ACTN2: variants seen among roughly 807,000 people sequenced by gnomAD.
ACTN2 encodes alpha-actinin-2.
ACTN2 carries 39 observed loss-of-function variants against 113.8 expected under a neutral mutation model. The observed-to-expected ratio is 0.34, with a 90% CI of 0.27 to 0.45. The LOEUF (loss-of-function observed/expected upper bound fraction) is 0.45, where lower values mean the gene tolerates loss of function less well. Ranked by LOEUF, ACTN2 falls within the 20% of genes least tolerant of loss-of-function variation. The pLI, the probability that ACTN2 is intolerant of heterozygous loss-of-function variation, is 1.00. For synonymous variants in ACTN2, 429 were observed against 444.1 expected (o/e 0.97, Z 0.43); for missense variants, 992 against 1,177.9 (o/e 0.84, Z 2.31).
At chr1:236,760,946 A>G in intron 19 of ACTN2, 69 bp from the exon 20 acceptor site, 9 of 1,596,312 alleles carry the variant, frequency 5.6e-6, no homozygotes, top group East Asian at 2.2e-5. Flanking sequence ...CACCAGGGAA[A>G]GAATGAAAAC....
At chr1:236,739,563 C>T (rs564516692) in intron 10 of ACTN2, 31 bp downstream of exon 10, 3 of 1,609,716 alleles carry the variant, frequency 1.9e-6, no homozygotes, top group Admixed American at 3.4e-5. Flanking sequence ...CCTCCTGGCG[C>T]CACGGGAAGC....
rs570907593 is a variant in ACTN2, at chr1:236,720,950, GGTA to G, written c.448+760_448+762del. On this transcript the variant is annotated intron_variant, in intron 4 of 20. Transcript: ENST00000366578. Reference sequence around the variant, plus strand: ...CCAGTAGGTAACCAGGTACCTGAGTGGTAAGGGGTGGAGACGTTATTTATAATT... The same window carrying G: ...CCAGTAGGTAACCAGGTACCTGAGTGAGGGGTGGAGACGTTATTTATAATT... Among the ~76,000 whole-genome samples, 229 of 150,492 alleles carry G rather than the reference GGTA, an allele frequency of 1.5e-3. 2 individuals are homozygous for G. The highest frequency in any genetic ancestry group is 5.1e-3 in the African/African-American group (208 of 41,038).
chr1:236,731,128 G>T, intron 6 of ACTN2, 105 bp from the exon 7 acceptor site: 1 of 790,930 alleles, frequency 1.3e-6, no homozygotes, highest in Non-Finnish European at 2.2e-6. Context: ...GATTGTGTGT[G>T]GGTGGGAAGG....
At chr1:236,713,074 A>C (rs543737658) in intron 1 of ACTN2, among the ~76,000 whole-genome samples, 88 of 152,084 alleles carry the variant, frequency 5.8e-4, no homozygotes, top group African/African-American at 2.0e-3. Context: ...GTAATAACTT[A>C]ATTATCCGGA....
chr1:236,727,519 A>G (rs1034565301), intron 5 of ACTN2, among the ~76,000 whole-genome samples, 159 bp from the exon 6 acceptor site: 23 of 151,790 alleles, frequency 1.5e-4, no homozygotes, highest in African/African-American at 5.3e-4. Context: ...GAAGAAGATG[A>G]GTGTTCAAGC....
Position 236,747,788 on chromosome 1 carries a change from A to G in ACTN2, c.1515+13A>G, listed in dbSNP as rs772909765. On this transcript the variant is annotated intron_variant, in intron 13 of 20. Coordinates refer to ENST00000366578, the MANE Select transcript of ACTN2 (RefSeq NM_001103.4). Reference sequence around the variant, plus strand: ...AGAAGCCCTAGAGGTGAAGTATTGAAGCCACTTGTTGACATGAAATCTTTT... The same window carrying G: ...AGAAGCCCTAGAGGTGAAGTATTGAGGCCACTTGTTGACATGAAATCTTTT... 2.5e-6 allele frequency: 4 copies of G among 1,582,694 alleles called. No individual in the cohort carries two copies. The South Asian group carries it at 4.4e-5, about 18-fold the overall frequency.
In ACTN2 at chr1:236,721,022, G is replaced by GTTT. The variant is rs869077774; in HGVS notation, c.448+852_448+854dup. ...CCTCTGACTCTGGTTTTTGTTTTTT[G>GTTT]TTTTTTTTTTTTTTTTTTTTTTTGA... On this transcript the variant is annotated intron_variant, in intron 4 of 20. Coordinates refer to ENST00000366578, the MANE Select transcript of ACTN2 (RefSeq NM_001103.4). Among the ~76,000 whole-genome samples, 107 of 66,496 alleles carry GTTT rather than the reference G, an allele frequency of 1.6e-3. 3 individuals carry two copies. The highest frequency in any genetic ancestry group is 3.5e-3 in the African/African-American group (56 of 16,040). 43.6% of individuals were successfully genotyped at this position (66,496 alleles called of 152,430 possible). A position where few individuals can be genotyped will look rare whatever the true frequency, so the allele number is the denominator to read the frequency against.
intron 1 of ACTN2, among the ~76,000 whole-genome samples, chr1:236,690,671 C>T (rs1014833665): frequency 6.6e-6 from 1 of 152,144 alleles, no homozygotes; most frequent in Admixed American, 6.5e-5. Flanking sequence ...ATTTGTTAAT[C>T]AGCACTGCGC....
At position 236,715,440 on chromosome 1, in the gene ACTN2, A is replaced by G. The variant is rs191689536; in HGVS notation, c.127-2418A>G. Among the ~76,000 whole-genome samples the G allele has an allele frequency of 3.8e-3, 582 of 152,122 alleles. 3 individuals carry two copies. The highest frequency in any genetic ancestry group is 0.012 in the African/African-American group (500 of 41,474). ...ATCATAATCTTACCTTCAAAAAACAAAACTTAATTATCTATAGTGTTGTCC... is the reference window on the plus strand; with the variant it reads ...ATCATAATCTTACCTTCAAAAAACAGAACTTAATTATCTATAGTGTTGTCC... On this transcript the variant is annotated intron_variant, in intron 1 of 20. Transcript: ENST00000366578.
At chr1:236,717,249 G>A (rs1375249394) in intron 1 of ACTN2, among the ~76,000 whole-genome samples, 2 of 152,022 alleles carry the variant, frequency 1.3e-5, no homozygotes, top group African/African-American at 4.8e-5. Flanking sequence ...TTTGAGACCA[G>A]CCTGGGCAAC....
In ACTN2 at chr1:236,736,460, A is replaced by G. The variant is rs927650508; in HGVS notation, c.784-662A>G. 8 of 705,206 alleles carry G rather than the reference A, an allele frequency of 1.1e-5. No homozygotes were observed. The African/African-American group carries it at 1.3e-4, about 11-fold the overall frequency. 43.7% of individuals were successfully genotyped at this position (705,206 alleles called of 1,614,324 possible). A position where few individuals can be genotyped will look rare whatever the true frequency, so the allele number is the denominator to read the frequency against. The stretch of plus-strand genomic sequence containing the variant: ...AGGCAAGCTTCTCTTGTTCCATCAG[A>G]CAGTTATGGTTCAAGGCGCTTTGCC... On this transcript the variant is annotated intron_variant, in intron 8 of 20. Transcript: ENST00000366578.
At chr1:236,699,652 G>A (rs1314552609) in intron 1 of ACTN2, among the ~76,000 whole-genome samples, 11 of 152,126 alleles carry the variant, frequency 7.2e-5, no homozygotes, top group African/African-American at 2.7e-4. Context: ...TTATCTACAG[G>A]AATGCCCTCT....
chr1:236,753,825 T>G, intron 15 of ACTN2, 122 bp from the exon 16 acceptor site: 2 of 1,081,608 alleles, frequency 1.8e-6, no homozygotes, highest in East Asian at 2.9e-5. Flanking sequence ...CCCTACACCC[T>G]CCTCCCTTCG....
At chr1:236,707,406 C>G (rs951184564) in intron 1 of ACTN2, among the ~76,000 whole-genome samples, 1 of 152,184 alleles carries the variant, frequency 6.6e-6, no homozygotes, top group Non-Finnish European at 1.5e-5. Flanking sequence ...GGCGGAATAT[C>G]TCCTATGCTC....
rs1057523501 is a variant in ACTN2 at position 236,717,884 on chromosome 1, C to T, written c.153C>T (p.His51=). The T allele has an allele frequency of 5.6e-6, 9 of 1,614,106 alleles. No individual in the cohort carries two copies. The highest frequency in any genetic ancestry group is 7.6e-6 in the Non-Finnish European group (9 of 1,179,990). Residue 51 remains histidine (H), a synonymous_variant, in exon 2 of 21, where the codon CAC becomes CAT. Coordinates refer to ENST00000366578, the MANE Select transcript of ACTN2 (RefSeq NM_001103.4). ...RKTFTAWCNS[H]LRKAGTQIEN... ...CCTTCACTGCCTGGTGTAACTCCCA[C>T]CTAAGGAAAGCCGGCACCCAGATTG...
rs183620808 is a variant in ACTN2, at chr1:236,755,603, T to G, written c.2154+405T>G. Among the ~76,000 whole-genome samples the G allele has an allele frequency of 3.3e-5, 5 of 151,710 alleles. No individual in the cohort carries two copies. The East Asian group carries it at 1.0e-3, about 31-fold the overall frequency. ...ACAAACAAGAGTATATACTGCAGAG[T>G]GCCCGCTGCCACTGTTAGAATCCTG... On this transcript the variant is annotated intron_variant, in intron 17 of 20. Coordinates refer to ENST00000366578, the MANE Select transcript of ACTN2 (RefSeq NM_001103.4).
At chr1:236,686,862 G>A in intron 1 of ACTN2, 63 bp downstream of exon 1, 1 of 1,307,552 alleles carries the variant, frequency 7.6e-7, no homozygotes, top group Non-Finnish European at 9.7e-7. Flanking sequence ...GGGCTCCCGT[G>A]CGCGTGGCCG....
At chr1:236,720,839 C>G in intron 4 of ACTN2, among the ~76,000 whole-genome samples, 1 of 151,886 alleles carries the variant, frequency 6.6e-6, no homozygotes, top group East Asian at 1.9e-4. Flanking sequence ...GCCTGTTTGG[C>G]CCTCAAATCA....
At chr1:236,711,942 T>C (rs907279064) in intron 1 of ACTN2, among the ~76,000 whole-genome samples, 1 of 152,184 alleles carries the variant, frequency 6.6e-6, no homozygotes, top group African/African-American at 2.4e-5. Context: ...TCTTCTGTGG[T>C]CTGTATCTGA....
Sources: allele counts gnomAD v4.1 joint callset (sites outside exome capture counted in the v4.1 genomes callset), GRCh38; gene constraint gnomAD v4.1.1; transcripts MANE v1.5; gene names NCBI Gene and HGNC (gene_info 2026-07-23, HGNC 2026-07-21).